The following ARHGAP32 variants were observed in gnomAD, a reference collection of about 807,000 sequenced individuals.
ARHGAP32 encodes rho GTPase-activating protein 32.
A neutral mutation model predicts 186.5 loss-of-function variants in ARHGAP32; 51 were observed. The observed-to-expected ratio is 0.27, with a 90% CI of 0.22 to 0.35. The LOEUF is 0.35. Ranked by LOEUF, ARHGAP32 falls within the 10% of genes least tolerant of loss-of-function variation. The pLI, the probability that ARHGAP32 is intolerant of heterozygous loss-of-function variation, is 1.00. For missense variants in ARHGAP32, 2,186 were observed against 2,623.5 expected (o/e 0.83, Z 3.64); for synonymous variants, 950 against 964.3 (o/e 0.99, Z 0.27).
intron 1 of ARHGAP32, among the ~76,000 whole-genome samples, chr11:129,235,138 G>C (rs184943040): frequency 6.6e-6 from 1 of 152,306 alleles, no homozygotes; most frequent in East Asian, 1.9e-4. Flanking sequence ...TGAAGGGAGT[G>C]TGGCCCTGCT....
At chr11:129,191,392 T>C (rs1483740699) in intron 1 of ARHGAP32, among the ~76,000 whole-genome samples, 1 of 152,070 alleles carries the variant, frequency 6.6e-6, no homozygotes, top group Non-Finnish European at 1.5e-5. Flanking sequence ...AATGAAACAT[T>C]GGTTCTGTTT....
chr11:129,062,203 C>T (rs751579179), intron 10 of ARHGAP32, 77 bp downstream of exon 10: 46 of 1,221,148 alleles, frequency 3.8e-5, no homozygotes, highest in Admixed American at 5.2e-5. Flanking sequence ...ATTACCAGCA[C>T]ATGTAAACAA....
At chr11:129,279,556 G>A (rs1945585360), upstream of ARHGAP32, among the ~76,000 whole-genome samples, 1 of 145,756 alleles carries the variant, frequency 6.9e-6, no homozygotes, top group African/African-American at 2.5e-5. Context: ...CCCCGCCGGA[G>A]CCCGCCGCCC....
intron 5 of ARHGAP32, among the ~76,000 whole-genome samples, chr11:129,098,416 T>A (rs554689304): frequency 1.3e-5 from 2 of 151,900 alleles, no homozygotes. Context: ...ATTTTTCTTT[T>A]TCTTTTTTCT....
At chr11:129,203,877 G>A (rs995583036) in intron 1 of ARHGAP32, among the ~76,000 whole-genome samples, 3 of 149,274 alleles carry the variant, frequency 2.0e-5, no homozygotes, top group African/African-American at 4.9e-5. Flanking sequence ...CAGCCCAGTC[G>A]ACAGAGTGAG....
At chr11:129,239,431 T>C (rs2135662617) in intron 1 of ARHGAP32, among the ~76,000 whole-genome samples, 1 of 152,260 alleles carries the variant, frequency 6.6e-6, no homozygotes. Context: ...TGACCAAAAT[T>C]ACCCAGAATG....
At chr11:129,217,714 A>G (rs1011890124) in intron 1 of ARHGAP32, among the ~76,000 whole-genome samples, 3 of 152,190 alleles carry the variant, frequency 2.0e-5, no homozygotes, top group South Asian at 4.1e-4. Context: ...AATGACTAAG[A>G]AAACAAGTTT....
chr11:129,270,135 T>C (rs1053514446), intron 1 of ARHGAP32, among the ~76,000 whole-genome samples: 3 of 150,858 alleles, frequency 2.0e-5, no homozygotes, highest in Admixed American at 1.3e-4. Context: ...AGCAGGTGAA[T>C]GAATAAATAA....
intron 6 of ARHGAP32, among the ~76,000 whole-genome samples, chr11:129,084,702 A>G (rs1361279282): frequency 6.6e-6 from 1 of 152,222 alleles, no homozygotes; most frequent in East Asian, 1.9e-4. Flanking sequence ...CTAACATCAT[A>G]CTTAATGGTG....
intron 1 of ARHGAP32, among the ~76,000 whole-genome samples, chr11:129,251,892 G>A (rs999259362): frequency 1.6e-4 from 23 of 147,172 alleles, no homozygotes; most frequent in Admixed American, 1.4e-3. Context: ...CTGAGATTGT[G>A]CCACTGCACT....
intron 1 of ARHGAP32, among the ~76,000 whole-genome samples, chr11:129,166,981 T>A (rs1943653663): frequency 6.6e-6 from 1 of 152,174 alleles, no homozygotes; most frequent in African/African-American, 2.4e-5. Flanking sequence ...TATGGAATAC[T>A]GTATGTAAGT....
chr11:129,171,874 G>A (rs1489092908), intron 1 of ARHGAP32, among the ~76,000 whole-genome samples: 1 of 152,046 alleles, frequency 6.6e-6, no homozygotes, highest in African/African-American at 2.4e-5. Context: ...TCTCCTTGAA[G>A]AGGCCCTTCA....
intron 11 of ARHGAP32, among the ~76,000 whole-genome samples, chr11:129,018,937 T>C (rs551956725): frequency 6.6e-6 from 1 of 152,330 alleles, no homozygotes; most frequent in African/African-American, 2.4e-5. Flanking sequence ...GGCTTTCATA[T>C]CATTATGACT....
chr11:128,993,653 T>G (rs1565363189), intron 12 of ARHGAP32, among the ~76,000 whole-genome samples: 2 of 151,916 alleles, frequency 1.3e-5, no homozygotes, highest in South Asian at 2.1e-4. Context: ...TACACACATA[T>G]GATATAACTG....
intron 12 of ARHGAP32, among the ~76,000 whole-genome samples, chr11:128,992,411 G>A (rs1229436893): frequency 1.3e-5 from 2 of 150,918 alleles, no homozygotes; most frequent in Admixed American, 1.3e-4. Flanking sequence ...ACCAGAAAAA[G>A]AAATTAACGT....
intron 1 of ARHGAP32, among the ~76,000 whole-genome samples, chr11:129,259,952 C>G (rs573396950): frequency 1.8e-4 from 27 of 152,106 alleles, no homozygotes; most frequent in Non-Finnish European, 2.5e-4. Flanking sequence ...AAGCATATCC[C>G]AAGTCTACTG....
At chr11:128,981,788 G>C (rs1591496025) in intron 16 of ARHGAP32, 41 bp downstream of exon 16, 1 of 1,401,394 alleles carries the variant, frequency 7.1e-7, no homozygotes, top group Non-Finnish European at 1.0e-6. Flanking sequence ...CTTTTATTTA[G>C]GATTAGTTCT....
At chr11:129,168,966 AT>A (rs1943697013) in intron 1 of ARHGAP32, among the ~76,000 whole-genome samples, 1 of 152,206 alleles carries the variant, frequency 6.6e-6, no homozygotes, top group African/African-American at 2.4e-5. Flanking sequence ...TATGTGAATG[AT>A]AATGAAAATA....
chr11:129,137,981 TTTC>T (rs1430816933), intron 2 of ARHGAP32, among the ~76,000 whole-genome samples: 1 of 152,028 alleles, frequency 6.6e-6, no homozygotes, highest in Non-Finnish European at 1.5e-5. Flanking sequence ...TTTTTATTCT[TTTC>T]TTAACATTTT....
Sources: gnomAD v4.1 joint callset for allele counts (sites outside exome capture counted in the v4.1 genomes callset) on GRCh38, gnomAD v4.1.1 for gene constraint, MANE v1.5 for transcripts, NCBI Gene and HGNC (gene_info 2026-07-23, HGNC 2026-07-21) for gene names.